The following USP28 variants were observed in gnomAD, a reference collection of about 807,000 sequenced individuals.
USP28 encodes ubiquitin specific peptidase 28.
Under a neutral mutation model 145.0 loss-of-function variants are expected in USP28, and 113 were observed. That is an observed-to-expected ratio of 0.78 (90% CI 0.67 to 0.91). The LOEUF is 0.91. Among genes scored for constraint, USP28 ranks in the 40% least tolerant of loss-of-function variants. USP28 has a pLI of 0.00. For missense variants in USP28, 1,201 were observed against 1,289.6 expected (o/e 0.93, Z 1.05); for synonymous variants, 447 against 450.9 (o/e 0.99, Z 0.11).
intron 1 of USP28, among the ~76,000 whole-genome samples, chr11:113,857,669 C>CA (rs1565485713): frequency 6.6e-6 from 1 of 152,068 alleles, no homozygotes; most frequent in Non-Finnish European, 1.5e-5. Flanking sequence ...TCAGAGATCT[C>CA]AGAATGCCAA....
chr11:113,852,647 A>G lies in USP28; in HGVS notation c.136-14T>C. The G allele has an allele frequency of 6.2e-7, 1 of 1,611,164 alleles. No homozygotes were observed. The highest frequency in any genetic ancestry group is 8.5e-7 in the Non-Finnish European group (1 of 1,179,780). ...ACCATTACTGGCCTATGGGAGAAAA[A>G]GACAATAGAAATTTCAAAAGTAATC... On this transcript the variant is annotated splice_polypyrimidine_tract_variant and intron_variant, in intron 2 of 24. Coordinates refer to ENST00000003302, the Ensembl canonical transcript of USP28.
chr11:113,842,596 A>G (rs1428922376), intron 3 of USP28, among the ~76,000 whole-genome samples: 1 of 151,978 alleles, frequency 6.6e-6, no homozygotes, highest in African/African-American at 2.4e-5. Context: ...GAAAAAAAAA[A>G]AAAGACCAAG....
intron 3 of USP28, among the ~76,000 whole-genome samples, chr11:113,847,674 A>G (rs1159961692): frequency 2.6e-5 from 4 of 152,220 alleles, no homozygotes; most frequent in Non-Finnish European, 4.4e-5. Flanking sequence ...CAGTTTTAAA[A>G]AATAAACAGT....
chr11:113,853,924 A>G (rs1946759668), intron 2 of USP28, among the ~76,000 whole-genome samples: 1 of 151,256 alleles, frequency 6.6e-6, no homozygotes, highest in Non-Finnish European at 1.5e-5. Context: ...AAGAATAACA[A>G]CAGGTTTTTT....
chr11:113,825,452 A>G (rs1056012046), intron 11 of USP28, among the ~76,000 whole-genome samples: 1 of 152,210 alleles, frequency 6.6e-6, no homozygotes, highest in African/African-American at 2.4e-5. Flanking sequence ...GAAATTTCTT[A>G]TAATGTTAAA....
chr11:113,844,420 G>C (rs1411938253), intron 3 of USP28, among the ~76,000 whole-genome samples: 2 of 151,688 alleles, frequency 1.3e-5, no homozygotes, highest in East Asian at 1.9e-4. Context: ...CTCCAGCCTG[G>C]GCAACAGTGT....
intron 18 of USP28, among the ~76,000 whole-genome samples, chr11:113,807,720 C>T (rs183186116): frequency 1.3e-5 from 2 of 152,178 alleles, no homozygotes; most frequent in Admixed American, 1.3e-4. Context: ...TCTGCAGTGG[C>T]CCCATTAAGT....
chr11:113,812,488 T>G, exon 16 of USP28: 1 of 1,614,036 alleles, frequency 6.2e-7, no homozygotes, highest in Non-Finnish European at 8.5e-7. Flanking sequence ...AAGAACTGCA[T>G]GCAAGCGATA....
chr11:113,875,399 G>T, intron 1 of USP28, 46 bp downstream of exon 1: 1 of 1,220,348 alleles, frequency 8.2e-7, no homozygotes, highest in South Asian at 2.5e-5. Context: ...CTCCCCTCAG[G>T]GCCTGGAGCC....
At chr11:113,838,669 C>T (rs1944854456) in intron 5 of USP28, among the ~76,000 whole-genome samples, 1 of 152,224 alleles carries the variant, frequency 6.6e-6, no homozygotes, top group South Asian at 2.1e-4. Flanking sequence ...CATCCCTGAC[C>T]CTCTGCCCTC....
At chr11:113,863,424 T>C (rs555671007) in intron 1 of USP28, among the ~76,000 whole-genome samples, 54 of 151,790 alleles carry the variant, frequency 3.6e-4, no homozygotes, top group African/African-American at 1.2e-3. Context: ...GGCGGGCAGA[T>C]TGCTTGAGCT....
intron 6 of USP28, among the ~76,000 whole-genome samples, chr11:113,833,976 G>C (rs953842520): frequency 6.6e-6 from 1 of 152,204 alleles, no homozygotes; most frequent in Admixed American, 6.5e-5. Context: ...AGCTCAGGAA[G>C]AGAAAGGATA....
At position 113,806,543 on chromosome 11, in the gene USP28, T is replaced by C. The variant is rs142914684; in HGVS notation, c.2346A>G (p.Ile782Met). 28 of 1,604,818 alleles carry C rather than the reference T, an allele frequency of 1.7e-5. No homozygotes were observed. In the African/African-American group the frequency reaches 3.6e-4, roughly 21 times the overall value. ...GGTCAAAGGTCTGACGGGCTTTAGC[T>C]ATGGCCAGGATGACCCCTTGCATGG... Residue 782 changes from isoleucine (I) to methionine (M), a missense_variant, in exon 19 of 25, where the codon ATA (isoleucine) becomes ATG (methionine). By Grantham distance (10) the Ile-to-Met change is conservative. Transcript: ENST00000003302.
At chr11:113,810,876 T>A (rs1940868882) in intron 16 of USP28, among the ~76,000 whole-genome samples, 1 of 152,222 alleles carries the variant, frequency 6.6e-6, no homozygotes. Context: ...GGTTTTACCA[T>A]GTTGGCCAGG....
intron 23 of USP28, among the ~76,000 whole-genome samples, chr11:113,802,516 T>G (rs1939214216): frequency 6.6e-6 from 1 of 152,082 alleles, no homozygotes; most frequent in South Asian, 2.1e-4. Flanking sequence ...AGGCCACCCC[T>G]TTACAGTTCT....
chr11:113,807,894 A>T, intron 18 of USP28, 57 bp downstream of exon 19: 4 of 981,660 alleles, frequency 4.1e-6, no homozygotes, highest in Non-Finnish European at 4.9e-6. Flanking sequence ...TATAGTCACA[A>T]GAGAAGGAAA....
chr11:113,838,519 G>A (rs564505129), intron 5 of USP28, among the ~76,000 whole-genome samples: 5 of 152,220 alleles, frequency 3.3e-5, no homozygotes, highest in Admixed American at 2.0e-4. Context: ...TTTGCTATTT[G>A]TCAGACACAT....
At chr11:113,857,891 C>T (rs999749614) in intron 1 of USP28, among the ~76,000 whole-genome samples, 4 of 151,834 alleles carry the variant, frequency 2.6e-5, no homozygotes, top group Non-Finnish European at 5.9e-5. Flanking sequence ...GACAGGGTCT[C>T]GCTCTGTGGC....
intron 13 of USP28, among the ~76,000 whole-genome samples, chr11:113,816,813 T>C: frequency 6.6e-6 from 1 of 152,164 alleles, no homozygotes; most frequent in East Asian, 1.9e-4. Flanking sequence ...TTTACAAAAA[T>C]TAAAAAATTT....
Sources: gnomAD v4.1 joint callset for allele counts (sites outside exome capture counted in the v4.1 genomes callset) on GRCh38, gnomAD v4.1.1 for gene constraint, MANE v1.5 for transcripts, NCBI Gene and HGNC (gene_info 2026-07-23, HGNC 2026-07-21) for gene names.